TTN: variants seen among roughly 807,000 people sequenced by gnomAD.
The protein encoded by TTN is connectin.
In TTN, 1,525 loss-of-function variants were observed where a neutral mutation model predicts 3,223.0. That is an observed-to-expected ratio of 0.47 (90% confidence interval 0.45 to 0.49). The LOEUF (loss-of-function observed/expected upper bound fraction) is 0.49, where lower values mean the gene tolerates loss of function less well. TTN is among the 20% of genes least tolerant of loss of function. The pLI is 0.00. For missense variants in TTN, 40,786 were observed against 43,424.0 expected, an observed-to-expected ratio of 0.94 and a Z score of 5.40; for synonymous variants, 14,094 against 15,161.0, an observed-to-expected ratio of 0.93 and a Z score of 5.17.
intron 115 of TTN, 92 bp from the exon 116 acceptor site, chr2:178,694,998 AT>A: frequency 3.4e-6 from 3 of 885,530 alleles, no homozygotes; most frequent in Non-Finnish European, 5.2e-6. Flanking sequence ...ATATGTGTTT[AT>A]ACACACCTAT....
rs375173874 is a variant in TTN at position 178,589,408 on chromosome 2, G to C, written c.62317C>G (p.Leu20773Val). 3.1e-6 allele frequency: 5 copies of C among 1,613,396 alleles called. No individual in the cohort carries two copies. Among genetic ancestry groups the C allele is most frequent in the Non-Finnish European group, 4.2e-6 (5 of 1,179,640 alleles). ...KEDLQKPVLDLKLSGVLTVKA... is the reference protein window; with the variant it reads ...KEDLQKPVLDVKLSGVLTVKA... ...ACAGTTAGGACCCCACTTAATTTCA[G>C]ATCAAGTACTGGTTTTTGTAAGTCT... Residue 20773 changes from leucine (L) to valine (V), a missense_variant, in exon 304 of 363, where the codon CTG (leucine) becomes GTG (valine). Coordinates refer to ENST00000589042, the MANE Select transcript of TTN (RefSeq NM_001267550.2).
chr2:178,754,871 G>C (rs183500196), intron 46 of TTN, among the ~76,000 whole-genome samples: 2 of 152,258 alleles, frequency 1.3e-5, no homozygotes, highest in Admixed American at 1.3e-4. Context: ...TTGGTGAGTA[G>C]GTGTTGCGGA....
intron 218 of TTN, 30 bp downstream of exon 218, chr2:178,644,518 T>TA: frequency 6.5e-7 from 1 of 1,532,816 alleles, no homozygotes; most frequent in Middle Eastern, 1.7e-4. Context: ...GGGTACTACA[T>TA]AAGTATGTAT....
In TTN at chr2:178,590,609, AGGTGGTTTGATGGGCC is replaced by A; in HGVS notation, c.61100_61115del (p.Arg20367LeufsTer9). Reference sequence around the variant, plus strand: ...TCAGTTTAGGATTAATAGGTGGTCCAGGTGGTTTGATGGGCCGGCAAGCTTTTATTGGATCAGAACT... The same window carrying A: ...TCAGTTTAGGATTAATAGGTGGTCCAGGCAAGCTTTTATTGGATCAGAACT... On this transcript the variant is annotated frameshift_variant, in exon 304 of 363. Transcript: ENST00000589042. LOFTEE classifies it high-confidence loss of function. The A allele has an allele frequency of 6.2e-7, 1 of 1,612,896 alleles. No individual in the cohort carries two copies. Among genetic ancestry groups the A allele is most frequent in the Middle Eastern group, 1.7e-4 (1 of 6,046 alleles).
In TTN at chr2:178,706,687, A is replaced by G. The variant is rs2075921655; in HGVS notation, c.29187T>C (p.Val9729=). 6.2e-7 allele frequency: 1 copy of G among 1,613,514 alleles called. No individual in the cohort carries two copies. Among genetic ancestry groups the G allele is most frequent in the Non-Finnish European group, 8.5e-7 (1 of 1,179,560 alleles). Residue 9729 remains valine, a synonymous_variant, in exon 102 of 363, where the codon GTT becomes GTC. Coordinates refer to ENST00000589042, the MANE Select transcript of TTN (RefSeq NM_001267550.2). ...AKVGGDPIPN[V]KWTKGKWRQL... ...GTCTCCACTTCCCTTTTGTCCATTTAACATTTGGGATTGGGTCACCTCCAA... is the reference window on the plus strand; with the variant it reads ...GTCTCCACTTCCCTTTTGTCCATTTGACATTTGGGATTGGGTCACCTCCAA...
Position 178,636,389 on chromosome 2 carries a change from A to G in TTN, c.41329+9T>C, listed in dbSNP as rs779075177. On this transcript the variant is annotated intron_variant, in intron 225 of 362. Coordinates refer to ENST00000589042, the MANE Select transcript of TTN (RefSeq NM_001267550.2). The surrounding 1 kb of genome is among the most constrained non-coding windows in gnomAD (Gnocchi z 4.3). The stretch of plus-strand genomic sequence containing the variant: ...TAATATAGATTATGTTCAGAAGACT[A>G]GAAATTACCTTCTACAACAAGTTTA... 1.1e-5 allele frequency: 17 copies of G among 1,593,826 alleles called. No homozygotes were observed. In the African/African-American group the frequency reaches 2.0e-4, roughly 19 times the overall value.
At position 178,741,182 on chromosome 2, in the gene TTN, C is replaced by T; in HGVS notation, c.12051G>A (p.Leu4017=). ...GCTCTGCTGCACAGGTGGACTCACC[C>T]AACATATTCTCTGCTTTACAGATAT... ...GLYICKAENM[L]GESTCAAELL... Residue 4017 remains leucine, a synonymous_variant, in exon 48 of 363, where the codon TTG becomes TTA. Coordinates refer to ENST00000589042, the MANE Select transcript of TTN (RefSeq NM_001267550.2). The T allele has an allele frequency of 6.2e-7, 1 of 1,613,338 alleles. No individual in the cohort carries two copies.
chr2:178,783,952 T>C, intron 16 of TTN, 118 bp downstream of exon 16: 1 of 1,536,130 alleles, frequency 6.5e-7, no homozygotes, highest in South Asian at 1.1e-5. Context: ...AATCAAGTCT[T>C]AGTATGGCAA....
rs556809942 is a variant in TTN, at chr2:178,736,861, T to C, written c.14372-787A>G. 2.6e-5 allele frequency among the ~76,000 whole-genome samples: 4 copies of C among 152,286 alleles called. No homozygotes were observed. The East Asian group carries it at 5.8e-4, about 22-fold the overall frequency. ...GGTCATCATGGGCCTGGGTTTTTCT[T>C]AGGATCACGTAAAAGGATTGTAGAG... is the stretch of plus-strand genomic sequence containing the variant. On this transcript the variant is annotated intron_variant, in intron 49 of 362. Coordinates refer to ENST00000589042, the MANE Select transcript of TTN (RefSeq NM_001267550.2).
intron 180 of TTN, among the ~76,000 whole-genome samples, chr2:178,660,296 A>T (rs199922974): frequency 7.2e-3 from 67 of 9,252 alleles, no homozygotes; most frequent in East Asian, 0.041. Context: ...AGGCTACAGT[A>T]ACCAAAACAG....
chr2:178,605,592 T>A lies in TTN; in HGVS notation c.53703A>T (p.Lys17901Asn). ...CAAAGTCAGGTTTGTCATGACGCCG[T>A]TTTTCAATGATATATCCTTGGATGG... Reference protein sequence around the residue: ...GSPIQGYIIEKRRHDKPDFER... With the variant: ...GSPIQGYIIENRRHDKPDFER... Residue 17901 changes from lysine (K) to asparagine (N), a missense_variant, in exon 279 of 363, where the codon AAA becomes AAT. Transcript: ENST00000589042. 1 of 1,612,092 alleles carries A rather than the reference T, an allele frequency of 6.2e-7. No individual in the cohort carries two copies. Among genetic ancestry groups the A allele is most frequent in the Non-Finnish European group, 8.5e-7 (1 of 1,178,754 alleles).
intron 138 of TTN, 35 bp from the exon 139 acceptor site, chr2:178,680,366 A>G (rs2069079390): frequency 3.2e-6 from 5 of 1,572,598 alleles, no homozygotes; most frequent in Middle Eastern, 1.7e-4. Flanking sequence ...TTTTATTGTC[A>G]GTAAAAGGCC....
rs201257063 is a variant in TTN at position 178,539,474 on chromosome 2, A to T, written c.98591T>A (p.Val32864Glu). ...SLVVKGLKEN[V>E]EYHFRVSAEN... Reference sequence around the variant, plus strand: ...TGCTGAAACACGGAAATGGTATTCTACATTCTCTTTGAGGCCTTTTACCAC... The same window carrying T: ...TGCTGAAACACGGAAATGGTATTCTTCATTCTCTTTGAGGCCTTTTACCAC... The change falls in exon 352 of 363, where the codon GTA becomes GAA. Residue 32864 changes from valine to glutamate, a missense_variant. Val to Glu is a moderately radical substitution (Grantham distance 121). Transcript: ENST00000589042. The T allele has an allele frequency of 6.2e-7, 1 of 1,613,734 alleles. No homozygotes were observed. Among genetic ancestry groups the T allele is most frequent in the Admixed American group, 1.7e-5 (1 of 59,994 alleles).
chr2:178,619,527 A>G, intron 250 of TTN, 94 bp downstream of exon 250: 2 of 1,487,126 alleles, frequency 1.3e-6, no homozygotes, highest in Non-Finnish European at 1.8e-6. Context: ...TAGAAATGAA[A>G]GACCCTCACA....
In TTN at chr2:178,756,508, C is replaced by T. The variant is rs771709418; in HGVS notation, c.10968G>A (p.Thr3656=). Residue 3656 remains threonine (T), a synonymous_variant, in exon 46 of 363, where the codon ACG becomes ACA. Coordinates refer to ENST00000589042, the MANE Select transcript of TTN (RefSeq NM_001267550.2). ...GCAGGAAAATCTTGGGCGCCTCACCCGTGGACTCTTTAGCACATTCCTTAG... is the reference window on the plus strand; with the variant it reads ...GCAGGAAAATCTTGGGCGCCTCACCTGTGGACTCTTTAGCACATTCCTTAG... ...ELSKECAKES[T]GEAPKIFLHL... 7.4e-6 allele frequency: 12 copies of T among 1,613,746 alleles called. No individual in the cohort carries two copies. Among genetic ancestry groups the T allele is most frequent in the East Asian group, 6.7e-5 (3 of 44,836 alleles).
rs1399689836 is a variant in TTN, at chr2:178,618,388, T to C, written c.47070A>G (p.Ile15690Met). 1 of 1,612,404 alleles carries C rather than the reference T, an allele frequency of 6.2e-7. No individual in the cohort carries two copies. Among genetic ancestry groups the C allele is most frequent in the Non-Finnish European group, 8.5e-7 (1 of 1,179,124 alleles). Reference protein sequence around the residue: ...EPLTDGGSKIIGYVVERRDIK... With the variant: ...EPLTDGGSKIMGYVVERRDIK... ...TGTCACGTCTTTCAACAACGTAACC[T>C]ATGATTTTGCTTCCACCATCAGTTA... Residue 15690 changes from isoleucine (I) to methionine (M), a missense_variant, in exon 252 of 363, where the codon ATA (isoleucine) becomes ATG (methionine). Coordinates refer to ENST00000589042, the MANE Select transcript of TTN (RefSeq NM_001267550.2).
chr2:178,575,619 A>C lies in TTN; in HGVS notation c.70513T>G (p.Tyr23505Asp). The change falls in exon 326 of 363, where the codon TAT (tyrosine) becomes GAT (aspartate). Residue 23505 changes from tyrosine (Y) to aspartate (D), a missense_variant. Transcript: ENST00000589042. The surrounding 1 kb of genome is among the most constrained non-coding windows in gnomAD (Gnocchi z 4.0). The part of the protein sequence containing the change: ...KVTGLSEGCE[Y>D]FFRVMAENEY... The stretch of plus-strand genomic sequence containing the variant: ...TTCTCTGCCATCACTCTGAAGAAAT[A>C]TTCACACCCTTCAGACAAGCCGGTA... The C allele has an allele frequency of 6.2e-7, 1 of 1,613,550 alleles. No individual in the cohort carries two copies. The highest frequency in any genetic ancestry group is 8.5e-7 in the Non-Finnish European group (1 of 1,179,632).
At chr2:178,689,440 G>A (rs945465557) in intron 123 of TTN, 67 bp from the exon 124 acceptor site, 4 of 1,602,264 alleles carry the variant, frequency 2.5e-6, no homozygotes, top group Admixed American at 1.7e-5. Flanking sequence ...CATAGAAGTG[G>A]CAATTAAAGA....
At chr2:178,610,861 CAT>C in intron 270 of TTN, 130 bp downstream of exon 270, 2 of 1,138,070 alleles carry the variant, frequency 1.8e-6, no homozygotes, top group South Asian at 2.9e-5. Context: ...TATGGAAAGA[CAT>C]AATCAGAAGT....
Sources: allele counts gnomAD v4.1 joint callset (sites outside exome capture counted in the v4.1 genomes callset), GRCh38; gene constraint gnomAD v4.1.1; non-coding constraint Gnocchi (gnomAD v3.1); transcripts MANE v1.5; gene names NCBI Gene and HGNC (gene_info 2026-07-23, HGNC 2026-07-21).